The following ERC2 variants were observed in gnomAD, a reference collection of about 807,000 sequenced individuals.
The protein encoded by ERC2 is ELKS/RAB6-interacting/CAST family member 2, also known as ERC protein 2.
A neutral mutation model predicts 114.8 loss-of-function variants in ERC2; 42 were observed. The observed-to-expected ratio is 0.37, with a 90% CI of 0.29 to 0.47. The LOEUF (loss-of-function observed/expected upper bound fraction) is 0.47. ERC2 is among the 20% of genes least tolerant of loss of function. ERC2 has a pLI of 0.99. For missense variants in ERC2, 939 were observed against 1,150.7 expected (o/e 0.82, Z 2.66); for synonymous variants, 454 against 425.5 (o/e 1.07, Z -0.82).
At chr3:56,229,974 T>C (rs2150173677) in intron 3 of ERC2, among the ~76,000 whole-genome samples, 1 of 144,148 alleles carries the variant, frequency 6.9e-6, no homozygotes, top group African/African-American at 2.5e-5. Context: ...CAAGCAATTC[T>C]CCTGCCTCAG....
At chr3:56,028,837 A>G (rs530899048) in intron 7 of ERC2, among the ~76,000 whole-genome samples, 6 of 152,166 alleles carry the variant, frequency 3.9e-5, no homozygotes, top group South Asian at 4.1e-4. Flanking sequence ...TTGGAGTACT[A>G]TGCTGTATAC....
chr3:55,562,207 A>G (rs2056072128), intron 17 of ERC2, among the ~76,000 whole-genome samples: 1 of 151,776 alleles, frequency 6.6e-6, no homozygotes, highest in African/African-American at 2.4e-5. Flanking sequence ...GCTGGAGTGC[A>G]ATGGTGTGAT....
chr3:55,589,588 A>G (rs532535622), intron 17 of ERC2, among the ~76,000 whole-genome samples: 2 of 152,282 alleles, frequency 1.3e-5, no homozygotes, highest in African/African-American at 4.8e-5. Flanking sequence ...TGAGGCCTCC[A>G]TGAGGAGTCC....
At chr3:56,144,221 T>G (rs750400543) in intron 5 of ERC2, among the ~76,000 whole-genome samples, 1 of 152,234 alleles carries the variant, frequency 6.6e-6, no homozygotes, top group Non-Finnish European at 1.5e-5. Flanking sequence ...TAATGAATCA[T>G]GAGTGTGTGG....
At chr3:55,814,537 G>A (rs2059838578) in intron 14 of ERC2, among the ~76,000 whole-genome samples, 2 of 152,172 alleles carry the variant, frequency 1.3e-5, no homozygotes, top group Admixed American at 6.5e-5. Flanking sequence ...TAGGGCTTAT[G>A]TAAAGAAAGC....
chr3:55,548,487 GC>G (rs1342405267), intron 17 of ERC2, among the ~76,000 whole-genome samples: 1 of 151,996 alleles, frequency 6.6e-6, no homozygotes, highest in African/African-American at 2.4e-5. Flanking sequence ...CCCATTCATT[GC>G]CCCATGTGCC....
intron 1 of ERC2, among the ~76,000 whole-genome samples, chr3:56,456,543 T>C (rs1446344536): frequency 6.6e-6 from 1 of 152,234 alleles, no homozygotes; most frequent in Non-Finnish European, 1.5e-5. Flanking sequence ...CTAAAGCTTT[T>C]TTCCAACATT....
At chr3:55,585,629 T>C (rs961818655) in intron 17 of ERC2, among the ~76,000 whole-genome samples, 1 of 152,184 alleles carries the variant, frequency 6.6e-6, no homozygotes, top group African/African-American at 2.4e-5. Flanking sequence ...GAATTACCCC[T>C]GTTAGAGAGA....
At chr3:56,328,600 G>A (rs905883737) in intron 2 of ERC2, among the ~76,000 whole-genome samples, 1 of 152,140 alleles carries the variant, frequency 6.6e-6, no homozygotes, top group African/African-American at 2.4e-5. Flanking sequence ...GAAAGGGGAA[G>A]GTAGCATAAT....
intron 17 of ERC2, among the ~76,000 whole-genome samples, chr3:55,650,484 T>G (rs557988952): frequency 2.0e-5 from 3 of 152,304 alleles, no homozygotes; most frequent in East Asian, 3.9e-4. Context: ...CATCCTCCCC[T>G]CTTGGTCTCT....
intron 7 of ERC2, among the ~76,000 whole-genome samples, chr3:56,066,182 A>G (rs934676719): frequency 6.6e-6 from 1 of 152,142 alleles, no homozygotes; most frequent in African/African-American, 2.4e-5. Context: ...AAGCATTCCT[A>G]TTTATCCACA....
intron 2 of ERC2, among the ~76,000 whole-genome samples, chr3:56,415,891 T>A (rs943662359): frequency 2.6e-5 from 4 of 152,196 alleles, no homozygotes; most frequent in Admixed American, 2.6e-4. Context: ...CAACTACATC[T>A]GCCTCACCCT....
intron 2 of ERC2, among the ~76,000 whole-genome samples, chr3:56,374,678 T>C (rs1236367718): frequency 6.6e-6 from 1 of 152,148 alleles, no homozygotes; most frequent in Non-Finnish European, 1.5e-5. Flanking sequence ...GCCCCTGTTA[T>C]CAGTACCCAC....
intron 3 of ERC2, among the ~76,000 whole-genome samples, chr3:56,288,630 C>T (rs2054880003): frequency 6.6e-6 from 1 of 152,128 alleles, no homozygotes; most frequent in African/African-American, 2.4e-5. Context: ...ATTTATTTTC[C>T]GTGTCATCAG....
chr3:56,006,010 A>G (rs1335398653), intron 10 of ERC2, among the ~76,000 whole-genome samples: 1 of 152,040 alleles, frequency 6.6e-6, no homozygotes, highest in Non-Finnish European at 1.5e-5. Flanking sequence ...TTAACTAAAT[A>G]TTGCTTGAAA....
intron 2 of ERC2, among the ~76,000 whole-genome samples, chr3:56,344,717 T>C (rs1234875491): frequency 6.6e-6 from 1 of 152,216 alleles, no homozygotes; most frequent in South Asian, 2.1e-4. Context: ...GGAACATCAG[T>C]TGATGGCCTC....
intron 3 of ERC2, among the ~76,000 whole-genome samples, chr3:56,181,431 G>A (rs1369281128): frequency 6.6e-6 from 1 of 152,160 alleles, no homozygotes; most frequent in Non-Finnish European, 1.5e-5. Context: ...ATGCTGCAAT[G>A]GCAGAACTGA....
chr3:55,777,392 A>T (rs369978450), intron 14 of ERC2, among the ~76,000 whole-genome samples: 2 of 152,186 alleles, frequency 1.3e-5, no homozygotes, highest in South Asian at 4.1e-4. Context: ...GGTGTCCTTC[A>T]CCCACACCCA....
intron 14 of ERC2, among the ~76,000 whole-genome samples, chr3:55,881,778 T>C (rs1393804783): frequency 6.6e-6 from 1 of 152,218 alleles, no homozygotes; most frequent in African/African-American, 2.4e-5. Flanking sequence ...ATGCTTTTAA[T>C]AAAATTCCTT....
Sources: gnomAD v4.1 joint callset for allele counts (sites outside exome capture counted in the v4.1 genomes callset) on GRCh38, gnomAD v4.1.1 for gene constraint, MANE v1.5 for transcripts, NCBI Gene and HGNC (gene_info 2026-07-23, HGNC 2026-07-21) for gene names.